The following GRIA3 variants were observed in gnomAD, a reference collection of about 807,000 sequenced individuals.
GRIA3 encodes glutamate receptor 3.
A neutral mutation model predicts 63.0 loss-of-function variants in GRIA3; 3 were observed. The observed-to-expected ratio is 0.05, with a 90% CI of 0.02 to 0.12. The LOEUF is 0.12. Ranked by LOEUF, GRIA3 falls within the 10% of genes least tolerant of loss-of-function variation. GRIA3 has a pLI of 1.00. For synonymous variants in GRIA3, 274 were observed against 257.9 expected (o/e 1.06, Z -0.60); for missense variants, 347 against 700.9 (o/e 0.50, Z 5.70).
intron 12 of GRIA3, among the ~76,000 whole-genome samples, chrX:123,451,719 CTGGACAAATTGGAAGG>C (rs2045733456): frequency 9.3e-6 from 1 of 108,060 alleles, no homozygotes; most frequent in East Asian, 2.9e-4. Context: ...ACCTGAGCAA[CTGGACAAATTGGAAGG>C]TGCTGCCATT....
At chrX:123,274,964 G>C (rs1366419979) in intron 3 of GRIA3, among the ~76,000 whole-genome samples, 1 of 111,308 alleles carries the variant, frequency 9.0e-6, no homozygotes, top group Non-Finnish European at 1.9e-5. Context: ...CTGCTAGTCA[G>C]TCCAGTCCAG....
intron 3 of GRIA3, among the ~76,000 whole-genome samples, chrX:123,260,121 G>A: frequency 9.2e-6 from 1 of 108,656 alleles, no homozygotes; most frequent in Non-Finnish European, 1.9e-5. Context: ...GCAGGCAGAA[G>A]GTAACTGCTG....
At chrX:123,195,239 C>T (rs1927543892) in intron 2 of GRIA3, among the ~76,000 whole-genome samples, 2 of 112,596 alleles carry the variant, frequency 1.8e-5, no homozygotes, top group Non-Finnish European at 3.7e-5. Context: ...TTTATTAAAG[C>T]CGTACCACAT....
intron 12 of GRIA3, among the ~76,000 whole-genome samples, chrX:123,450,261 G>T (rs1190843406): frequency 8.9e-6 from 1 of 111,969 alleles, no homozygotes. Flanking sequence ...TTTTACCTCG[G>T]AGCATCTTGC....
At chrX:123,291,039 A>G (rs2044652832) in intron 3 of GRIA3, among the ~76,000 whole-genome samples, 1 of 111,788 alleles carries the variant, frequency 8.9e-6, no homozygotes, top group Non-Finnish European at 1.9e-5. Flanking sequence ...GCATTTATTC[A>G]ATTAGCTTCT....
chrX:123,463,817 AAAAG>A (rs977317823), intron 12 of GRIA3, among the ~76,000 whole-genome samples: 1 of 109,672 alleles, frequency 9.1e-6, no homozygotes, highest in Non-Finnish European at 1.9e-5. Flanking sequence ...GAGAGAAAGA[AAAAG>A]AAAGAGAAAG....
At chrX:123,369,688 C>A (rs1192040542) in intron 5 of GRIA3, among the ~76,000 whole-genome samples, 1 of 112,579 alleles carries the variant, frequency 8.9e-6, no homozygotes, top group Non-Finnish European at 1.9e-5. Context: ...TGTCTCCGAA[C>A]TTCCTTCTTT....
At chrX:123,453,292 C>A (rs2045743660) in intron 12 of GRIA3, among the ~76,000 whole-genome samples, 1 of 109,549 alleles carries the variant, frequency 9.1e-6, no homozygotes. Flanking sequence ...ATCAAAAGGA[C>A]AGAAAACCAA....
chrX:123,272,441 C>T (rs1210476526), intron 3 of GRIA3, among the ~76,000 whole-genome samples: 3 of 112,099 alleles, frequency 2.7e-5, no homozygotes, highest in African/African-American at 6.5e-5. Flanking sequence ...ACCTGCTTTC[C>T]ACCCTTCCCA....
intron 2 of GRIA3, among the ~76,000 whole-genome samples, chrX:123,208,714 G>A (rs1927960807): frequency 1.8e-5 from 2 of 111,936 alleles, no homozygotes; most frequent in Admixed American, 1.9e-4. Context: ...CTCAGAGATG[G>A]ACTCCCTTTC....
chrX:123,283,387 C>T (rs890689475), intron 3 of GRIA3, among the ~76,000 whole-genome samples: 6 of 111,146 alleles, frequency 5.4e-5, no homozygotes, highest in East Asian at 2.8e-4. Context: ...GGAATGCCAG[C>T]GAGACAGAAC....
At chrX:123,380,574 A>T (rs757803615) in intron 5 of GRIA3, among the ~76,000 whole-genome samples, 491 of 108,432 alleles carry the variant, frequency 4.5e-3, no homozygotes, top group Non-Finnish European at 7.2e-3. Flanking sequence ...GATTGCAAAA[A>T]TTTTCTCCCA....
chrX:123,195,552 G>A (rs1927553663), intron 2 of GRIA3, among the ~76,000 whole-genome samples: 1 of 111,846 alleles, frequency 8.9e-6, no homozygotes, highest in African/African-American at 3.3e-5. Context: ...ATAATAGGGA[G>A]TGGTGGGGCC....
chrX:123,362,718 A>G (rs1286495400), intron 5 of GRIA3, among the ~76,000 whole-genome samples: 1 of 110,093 alleles, frequency 9.1e-6, no homozygotes, highest in African/African-American at 3.3e-5. Context: ...CTGTTAGTAA[A>G]AAAAAAAAAG....
intron 2 of GRIA3, among the ~76,000 whole-genome samples, chrX:123,199,457 C>T (rs1927669352): frequency 9.1e-6 from 1 of 109,815 alleles, no homozygotes; most frequent in Non-Finnish European, 1.9e-5. Flanking sequence ...CAAGCCTATT[C>T]CTATATTTTC....
At chrX:123,465,214 T>C (rs1020028202) in intron 13 of GRIA3, 102 bp downstream of exon 13, 26 of 837,026 alleles carry the variant, frequency 3.1e-5, no homozygotes, top group Non-Finnish European at 4.2e-5. Context: ...AGGTAACTTT[T>C]AAAAGTTTAA....
chrX:123,308,170 TC>T (rs2044767149), intron 3 of GRIA3, among the ~76,000 whole-genome samples: 1 of 111,957 alleles, frequency 8.9e-6, no homozygotes, highest in Admixed American at 9.5e-5. Context: ...GAATTACCAA[TC>T]TGTGTTAACC....
intron 3 of GRIA3, among the ~76,000 whole-genome samples, chrX:123,305,683 A>G (rs949480924): frequency 8.9e-6 from 1 of 112,174 alleles, no homozygotes; most frequent in African/African-American, 3.2e-5. Context: ...AATGCACAAG[A>G]AACTGAGGCA....
In GRIA3 at chrX:123,474,706, TA is replaced by T. The variant is rs1357839446; in HGVS notation, c.2325-5347del. Among the ~76,000 whole-genome samples the T allele has an allele frequency of 3.6e-4, 39 of 107,924 alleles. 1 individual carries two copies. Among genetic ancestry groups the T allele is most frequent in the Admixed American group, 9.9e-4 (10 of 10,144 alleles). 93.7% of individuals were successfully genotyped at this position (107,924 alleles called of 115,157 possible). The stretch of plus-strand genomic sequence containing the variant: ...CAAAAATAAATAATTAATAAAAATT[TA>T]AAAAAAAAATAAGTTTCTACTTTCA... On this transcript the variant is annotated intron_variant, in intron 13 of 15. Transcript: ENST00000620443.
Sources: allele counts gnomAD v4.1 joint callset (sites outside exome capture counted in the v4.1 genomes callset), GRCh38; gene constraint gnomAD v4.1.1; transcripts MANE v1.5; gene names NCBI Gene and HGNC (gene_info 2026-07-23, HGNC 2026-07-21).